Variants in SLC24A3 observed in about 807,000 individuals in gnomAD.
The protein encoded by SLC24A3 is solute carrier family 24 member 3.
In SLC24A3, 28 loss-of-function variants were observed where a neutral mutation model predicts 75.8. The ratio of observed to expected loss-of-function variants is 0.37; its 90% CI spans 0.27 to 0.51. SLC24A3 has a LOEUF of 0.51. Among genes scored for constraint, SLC24A3 ranks in the 20% least tolerant of loss-of-function variants. The probability of loss-of-function intolerance (pLI) is 0.94; values close to 1 mark genes in which losing one functional copy is unlikely to be tolerated. For synonymous variants in SLC24A3, 372 were observed against 334.1 expected, an observed-to-expected ratio of 1.11 and a Z score of -1.24; for missense variants, 663 against 847.8, an observed-to-expected ratio of 0.78 and a Z score of 2.71.
At chr20:19,252,882 A>T (rs986620007) in intron 1 of SLC24A3, among the ~76,000 whole-genome samples, 1 of 152,194 alleles carries the variant, frequency 6.6e-6, no homozygotes, top group Non-Finnish European at 1.5e-5. Context: ...GCTAAATTCT[A>T]AAGAGACACA....
intron 6 of SLC24A3, among the ~76,000 whole-genome samples, chr20:19,603,985 A>G (rs958250281): frequency 6.6e-6 from 1 of 152,206 alleles, no homozygotes; most frequent in Admixed American, 6.5e-5. Flanking sequence ...CATGAAAGGC[A>G]GCAGAGATGT....
intron 2 of SLC24A3, among the ~76,000 whole-genome samples, chr20:19,503,999 A>G (rs938941071): frequency 1.3e-5 from 2 of 152,198 alleles, no homozygotes; most frequent in Non-Finnish European, 2.9e-5. Flanking sequence ...AAGCTTCAGT[A>G]TAGGGAAATA....
intron 6 of SLC24A3, among the ~76,000 whole-genome samples, chr20:19,587,900 G>T (rs753891463): frequency 2.0e-5 from 3 of 152,120 alleles, no homozygotes; most frequent in Non-Finnish European, 2.9e-5. Flanking sequence ...CTCAGAATAC[G>T]CATCCCTGGG....
At chr20:19,358,097 G>A (rs913574633) in intron 2 of SLC24A3, among the ~76,000 whole-genome samples, 11 of 152,200 alleles carry the variant, frequency 7.2e-5, no homozygotes, top group African/African-American at 2.7e-4. Context: ...CTCCAAGGTT[G>A]TCTTCATTTT....
intron 2 of SLC24A3, among the ~76,000 whole-genome samples, chr20:19,506,160 T>A (rs1220749345): frequency 6.6e-6 from 1 of 152,244 alleles, no homozygotes; most frequent in East Asian, 1.9e-4. Context: ...CGGATTCAAA[T>A]CCAGGCCCTC....
chr20:19,380,447 G>T (rs552777765), intron 2 of SLC24A3, among the ~76,000 whole-genome samples: 1 of 152,170 alleles, frequency 6.6e-6, no homozygotes, highest in Non-Finnish European at 1.5e-5. Flanking sequence ...AATAAGGGTG[G>T]ATTTACATTT....
chr20:19,332,348 C>G (rs570351410), intron 2 of SLC24A3, among the ~76,000 whole-genome samples: 1 of 152,232 alleles, frequency 6.6e-6, no homozygotes, highest in Non-Finnish European at 1.5e-5. Context: ...GCTCCCTGAG[C>G]CCCCTTGCCT....
chr20:19,496,700 A>T (rs899072615), intron 2 of SLC24A3, among the ~76,000 whole-genome samples: 5 of 152,150 alleles, frequency 3.3e-5, no homozygotes, highest in African/African-American at 1.2e-4. Flanking sequence ...TAGGAGGTCA[A>T]GAAGGGCACG....
intron 6 of SLC24A3, among the ~76,000 whole-genome samples, chr20:19,653,200 T>C (rs2032227388): frequency 6.6e-6 from 1 of 152,094 alleles, no homozygotes. Flanking sequence ...CTCCTCAAAC[T>C]CTCCCGACCA....
chr20:19,675,843 G>A (rs2032515491), intron 9 of SLC24A3, among the ~76,000 whole-genome samples: 3 of 152,172 alleles, frequency 2.0e-5, no homozygotes, highest in Non-Finnish European at 4.4e-5. Flanking sequence ...GTCTCAAAGA[G>A]CAAAACTATA....
chr20:19,482,986 C>T (rs1456141859), intron 2 of SLC24A3, among the ~76,000 whole-genome samples: 1 of 152,224 alleles, frequency 6.6e-6, no homozygotes. Context: ...TGGTCTTTCC[C>T]TTTCAGCACA....
intron 2 of SLC24A3, among the ~76,000 whole-genome samples, chr20:19,476,431 T>C (rs949872347): frequency 1.3e-5 from 2 of 152,174 alleles, no homozygotes; most frequent in Non-Finnish European, 2.9e-5. Flanking sequence ...AGGAGAAAAT[T>C]AGGTGACTTT....
intron 2 of SLC24A3, among the ~76,000 whole-genome samples, chr20:19,311,104 T>A (rs1381574163): frequency 1.3e-5 from 2 of 152,012 alleles, no homozygotes; most frequent in Admixed American, 6.6e-5. Context: ...CATTTTTTCC[T>A]TCCTTTCTTC....
chr20:19,363,710 A>G (rs3790192), intron 2 of SLC24A3, among the ~76,000 whole-genome samples: 1 of 152,228 alleles, frequency 6.6e-6, no homozygotes, highest in African/African-American at 2.4e-5. Flanking sequence ...CTAGAGAACT[A>G]CAACAGACTG....
intron 2 of SLC24A3, among the ~76,000 whole-genome samples, chr20:19,351,201 G>A (rs1251578226): frequency 1.3e-5 from 2 of 152,164 alleles, no homozygotes; most frequent in Non-Finnish European, 2.9e-5. Context: ...CCTTGTCACT[G>A]CTGCAGTCTG....
chr20:19,657,042 G>A (rs2032274835), intron 7 of SLC24A3, among the ~76,000 whole-genome samples: 1 of 152,212 alleles, frequency 6.6e-6, no homozygotes, highest in African/African-American at 2.4e-5. Context: ...CCAGAGCTGA[G>A]CTAGCTGAAC....
intron 2 of SLC24A3, among the ~76,000 whole-genome samples, chr20:19,290,896 C>T (rs1467967668): frequency 6.6e-6 from 1 of 152,198 alleles, no homozygotes; most frequent in African/African-American, 2.4e-5. Flanking sequence ...GCCCTGTGAA[C>T]ATTTGTTTCT....
At chr20:19,713,917 T>G (rs1015256066) in intron 15 of SLC24A3, among the ~76,000 whole-genome samples, 1 of 152,114 alleles carries the variant, frequency 6.6e-6, no homozygotes, top group African/African-American at 2.4e-5. Context: ...ACCCAGGAAG[T>G]TAGCTCTGGA....
chr20:19,413,845 T>C (rs1442856174), intron 2 of SLC24A3, among the ~76,000 whole-genome samples: 2 of 152,232 alleles, frequency 1.3e-5, no homozygotes, highest in African/African-American at 2.4e-5. Context: ...TTAAAATTTC[T>C]CTTTATAATG....
Sources: gnomAD v4.1 joint callset for allele counts (sites outside exome capture counted in the v4.1 genomes callset) on GRCh38, gnomAD v4.1.1 for gene constraint, MANE v1.5 for transcripts, NCBI Gene and HGNC (gene_info 2026-07-23, HGNC 2026-07-21) for gene names.